Variants in SCD5 observed in about 807,000 individuals in gnomAD.
SCD5 encodes stearoyl-CoA desaturase 5, also known as acyl-CoA-desaturase 4.
Under a neutral mutation model 30.4 loss-of-function variants are expected in SCD5, and 20 were observed. The ratio of observed to expected loss-of-function variants is 0.66; its 90% CI spans 0.46 to 0.96. The LOEUF (loss-of-function observed/expected upper bound fraction) is 0.96, where lower values mean the gene tolerates loss of function less well. Ranked by LOEUF, SCD5 falls within the 40% of genes least tolerant of loss-of-function variation. The probability of loss-of-function intolerance (pLI) is 0.00; values close to 1 mark genes in which losing one functional copy is unlikely to be tolerated. For synonymous variants in SCD5, 173 were observed against 176.4 expected (o/e 0.98, Z 0.16); for missense variants, 381 against 443.3 (o/e 0.86, Z 1.26).
intron 1 of SCD5, among the ~76,000 whole-genome samples, chr4:82,712,088 G>T (rs1012483537): frequency 2.0e-5 from 3 of 149,152 alleles, no homozygotes; most frequent in South Asian, 4.3e-4. Flanking sequence ...AGTGTAGGGG[G>T]TAGGTGCCAT....
At chr4:82,713,483 A>G (rs773295181) in intron 1 of SCD5, among the ~76,000 whole-genome samples, 6 of 152,228 alleles carry the variant, frequency 3.9e-5, no homozygotes, top group South Asian at 4.1e-4. Flanking sequence ...CAGTATATAC[A>G]TGGCTCACTT....
intron 1 of SCD5, among the ~76,000 whole-genome samples, chr4:82,743,090 G>A (rs1720911189): frequency 6.6e-6 from 1 of 152,168 alleles, no homozygotes. Context: ...GGCCTGAGAT[G>A]AGAAAGGGGA....
chr4:82,735,727 C>T (rs56811639), intron 1 of SCD5, among the ~76,000 whole-genome samples: 16,342 of 152,136 alleles, frequency 0.11, 1,070 homozygotes, highest in African/African-American at 0.18. Context: ...TTTTTATTAC[C>T]GAAATGCATG....
intron 1 of SCD5, among the ~76,000 whole-genome samples, chr4:82,712,596 G>T (rs923919674): frequency 6.6e-6 from 1 of 151,922 alleles, no homozygotes; most frequent in South Asian, 2.1e-4. Context: ...GATTACAGGC[G>T]TGAGCCACCA....
intron 3 of SCD5, among the ~76,000 whole-genome samples, chr4:82,640,759 T>C (rs1048759131): frequency 7.2e-5 from 11 of 152,338 alleles, no homozygotes; most frequent in Non-Finnish European, 1.3e-4. Flanking sequence ...AGCTTCCTCA[T>C]CTAATAACAC....
At chr4:82,787,989 A>C (rs1040934603) in intron 1 of SCD5, among the ~76,000 whole-genome samples, 14 of 152,200 alleles carry the variant, frequency 9.2e-5, no homozygotes, top group African/African-American at 2.4e-4. Flanking sequence ...GTAAGCTGTG[A>C]GTGCACCACT....
chr4:82,667,595 G>C (rs767120647), intron 3 of SCD5, among the ~76,000 whole-genome samples: 26 of 152,132 alleles, frequency 1.7e-4, no homozygotes, highest in Non-Finnish European at 3.4e-4. Context: ...AGTAGTTAAA[G>C]GATATTTTAC....
At chr4:82,690,802 T>A (rs946573824) in intron 2 of SCD5, among the ~76,000 whole-genome samples, 5 of 152,244 alleles carry the variant, frequency 3.3e-5, no homozygotes, top group African/African-American at 1.2e-4. Context: ...TGATATTTAC[T>A]GACCGGTACA....
rs778480466 is a variant in SCD5, at chr4:82,720,441, T to TACAAAAAAAAAAAAAAAAAAAAAAAAA, written c.233-15029_233-15028insTTTTTTTTTTTTTTTTTTTTTTTTTGT. Among the ~76,000 whole-genome samples the TACAAAAAAAAAAAAAAAAAAAAAAAAA allele has an allele frequency of 5.0e-4, 39 of 77,824 alleles. 2 individuals are homozygous for TACAAAAAAAAAAAAAAAAAAAAAAAAA. Among genetic ancestry groups the TACAAAAAAAAAAAAAAAAAAAAAAAAA allele is most frequent in the East Asian group, 8.1e-4 (2 of 2,478 alleles). The allele number at this position is 77,824 out of a possible 152,430, so 51.1% of individuals were successfully genotyped here. On this transcript the variant is annotated intron_variant, in intron 1 of 4. Coordinates refer to ENST00000319540, the MANE Select transcript of SCD5 (RefSeq NM_001037582.3). ...GATGCTGTCTCAAAAAAGGCAAAAA[T>TACAAAAAAAAAAAAAAAAAAAAAAAAA]AAAAAAAAAAAAAAAAAAAAAAGAC...
chr4:82,654,689 A>G (rs554732562), intron 3 of SCD5, among the ~76,000 whole-genome samples: 12 of 152,266 alleles, frequency 7.9e-5, no homozygotes, highest in African/African-American at 2.9e-4. Flanking sequence ...AGTCCTCTCC[A>G]GGTAGGTGGC....
chr4:82,678,230 G>C (rs1461205163), intron 3 of SCD5, among the ~76,000 whole-genome samples: 1 of 152,124 alleles, frequency 6.6e-6, no homozygotes, highest in Non-Finnish European at 1.5e-5. Context: ...GCCTCCTTTA[G>C]TTACTGGACT....
At chr4:82,762,462 C>T (rs143154100) in intron 1 of SCD5, among the ~76,000 whole-genome samples, 3 of 152,112 alleles carry the variant, frequency 2.0e-5, no homozygotes, top group Non-Finnish European at 2.9e-5. Context: ...AGGTTGGCCT[C>T]GAACTCCCAA....
intron 1 of SCD5, among the ~76,000 whole-genome samples, chr4:82,756,930 A>G (rs1238104294): frequency 1.3e-5 from 2 of 152,134 alleles, no homozygotes; most frequent in South Asian, 2.1e-4. Context: ...TTGTGGCGCA[A>G]TCTTGGCTCA....
chr4:82,777,965 C>G (rs1172153233), intron 1 of SCD5, among the ~76,000 whole-genome samples: 1 of 148,498 alleles, frequency 6.7e-6, no homozygotes, highest in Non-Finnish European at 1.5e-5. Flanking sequence ...ATGGAACCAA[C>G]CCAAATGCCC....
At chr4:82,690,133 C>A (rs1212084240) in intron 2 of SCD5, among the ~76,000 whole-genome samples, 1 of 152,144 alleles carries the variant, frequency 6.6e-6, no homozygotes, top group Non-Finnish European at 1.5e-5. Flanking sequence ...AAATCCCTGA[C>A]TTTGGTAAGT....
intron 1 of SCD5, among the ~76,000 whole-genome samples, chr4:82,759,790 C>G (rs1721317067): frequency 6.6e-6 from 1 of 152,128 alleles, no homozygotes; most frequent in South Asian, 2.1e-4. Context: ...TTTGTCTTCT[C>G]CTAGAGATTA....
intron 3 of SCD5, among the ~76,000 whole-genome samples, chr4:82,649,797 G>T (rs1357567993): frequency 6.6e-6 from 1 of 152,082 alleles, no homozygotes; most frequent in African/African-American, 2.4e-5. Context: ...TGGCCAAATG[G>T]GTCTCCTGTT....
intron 1 of SCD5, among the ~76,000 whole-genome samples, chr4:82,720,353 A>G (rs1720339997): frequency 6.8e-6 from 1 of 146,670 alleles, no homozygotes; most frequent in Non-Finnish European, 1.5e-5. Flanking sequence ...GGATCACTTG[A>G]GCCCAGGAGG....
chr4:82,774,104 A>G (rs2148849439), intron 1 of SCD5, among the ~76,000 whole-genome samples: 1 of 149,102 alleles, frequency 6.7e-6, no homozygotes, highest in East Asian at 2.0e-4. Context: ...AAAAAAAAAA[A>G]GCACATAGAA....
Sources: gnomAD v4.1 joint callset for allele counts (sites outside exome capture counted in the v4.1 genomes callset) on GRCh38, gnomAD v4.1.1 for gene constraint, MANE v1.5 for transcripts, NCBI Gene and HGNC (gene_info 2026-07-23, HGNC 2026-07-21) for gene names.